Variants in RNF175 observed in about 807,000 individuals in gnomAD.
RNF175 encodes the protein ring finger protein 175.
A neutral mutation model predicts 50.0 loss-of-function variants in RNF175; 38 were observed. That is an observed-to-expected ratio of 0.76 (90% CI 0.59 to 1.00). The LOEUF is 1.00. RNF175 is among the 50% of genes least tolerant of loss of function. The probability of loss-of-function intolerance (pLI) is 0.00; values close to 1 mark genes in which losing one functional copy is unlikely to be tolerated. For synonymous variants in RNF175, 155 were observed against 146.1 expected (o/e 1.06, Z -0.44); for missense variants, 388 against 409.6 (o/e 0.95, Z 0.46).
At chr4:153,719,177 C>T (rs537304084) in intron 6 of RNF175, among the ~76,000 whole-genome samples, 1 of 152,270 alleles carries the variant, frequency 6.6e-6, no homozygotes, top group Admixed American at 6.5e-5. Context: ...CATTGTTCAG[C>T]TCCCATGTAC....
rs796657753 is a variant in RNF175, at chr4:153,718,251, TTG to T, written c.630+1931_630+1932del. 6.9e-5 allele frequency among the ~76,000 whole-genome samples: 8 copies of T among 116,026 alleles called. 1 individual carries two copies. The highest frequency in any genetic ancestry group is 1.0e-4 in the Admixed American group (1 of 9,792). The allele number at this position is 116,026 out of a possible 152,430, so 76.1% of individuals were successfully genotyped here. ...GTTTGTTTGTTTGTTTTTTTTTTTT[TTG>T]AAGCAGATGCACTGGATCTACTCCC... On this transcript the variant is annotated intron_variant, in intron 6 of 8. Coordinates refer to ENST00000347063, the MANE Select transcript of RNF175 (RefSeq NM_173662.4).
chr4:153,740,472 T>C (rs1739593313), intron 3 of RNF175, among the ~76,000 whole-genome samples: 1 of 152,174 alleles, frequency 6.6e-6, no homozygotes, highest in Non-Finnish European at 1.5e-5. Context: ...TTAAAAATCC[T>C]CTCTTAGCTA....
chr4:153,746,624 C>T (rs184909103), intron 3 of RNF175, among the ~76,000 whole-genome samples: 2 of 152,342 alleles, frequency 1.3e-5, no homozygotes, highest in East Asian at 1.9e-4. Flanking sequence ...ATGCCCATAG[C>T]TCTCCTAGGC....
At chr4:153,738,835 T>C (rs1049334486) in intron 3 of RNF175, among the ~76,000 whole-genome samples, 1 of 152,212 alleles carries the variant, frequency 6.6e-6, no homozygotes, top group Non-Finnish European at 1.5e-5. Flanking sequence ...TAACTGGGTA[T>C]TTTATGAGAT....
chr4:153,718,882 G>A (rs1738148597), intron 6 of RNF175, among the ~76,000 whole-genome samples: 1 of 152,128 alleles, frequency 6.6e-6, no homozygotes, highest in Non-Finnish European at 1.5e-5. Flanking sequence ...TAGCCACTTA[G>A]GTCCTGCTCC....
In RNF175 at chr4:153,712,582, G is replaced by C. The variant is rs2289318; in HGVS notation, c.765-6C>G. On this transcript the variant is annotated splice_polypyrimidine_tract_variant and splice_region_variant and intron_variant, in intron 7 of 8. Coordinates refer to ENST00000347063, the MANE Select transcript of RNF175 (RefSeq NM_173662.4). The stretch of plus-strand genomic sequence containing the variant: ...GGATGCAGAATTCATGAAAGCTGAA[G>C]CATCTTGTTAGGGAGGCTTCTAGAT... The C allele has an allele frequency of 0.2, 323,065 of 1,594,806 alleles. 33,407 individuals carry two copies. The highest frequency in any genetic ancestry group is 0.25 in the East Asian group (10,994 of 44,776).
At chr4:153,754,424 G>C (rs1196061316) in intron 1 of RNF175, among the ~76,000 whole-genome samples, 1 of 152,130 alleles carries the variant, frequency 6.6e-6, no homozygotes, top group Non-Finnish European at 1.5e-5. Flanking sequence ...GAACTGCTTG[G>C]AAATCCCGAG....
intron 1 of RNF175, among the ~76,000 whole-genome samples, chr4:153,751,955 G>A (rs561371106): frequency 2.0e-5 from 3 of 152,218 alleles, no homozygotes; most frequent in Admixed American, 6.5e-5. Flanking sequence ...CAGAGGCTCC[G>A]TTGATTTGGA....
intron 6 of RNF175, among the ~76,000 whole-genome samples, chr4:153,719,376 T>G (rs1182389716): frequency 6.6e-6 from 1 of 152,230 alleles, no homozygotes; most frequent in Non-Finnish European, 1.5e-5. Context: ...TTTCCATGTC[T>G]TTGCTTTACA....
chr4:153,715,415 G>A, intron 7 of RNF175, 114 bp downstream of exon 7: 1 of 1,003,340 alleles, frequency 1.0e-6, no homozygotes, highest in Non-Finnish European at 1.5e-6. Flanking sequence ...AAGGACTGGG[G>A]TTTGGGCATG....
intron 3 of RNF175, among the ~76,000 whole-genome samples, chr4:153,738,927 A>T (rs1739497098): frequency 6.6e-6 from 1 of 152,156 alleles, no homozygotes; most frequent in African/African-American, 2.4e-5. Context: ...TGCAAAATAC[A>T]TCCATAACTA....
intron 6 of RNF175, among the ~76,000 whole-genome samples, chr4:153,716,590 T>G (rs954132678): frequency 6.6e-6 from 1 of 152,130 alleles, no homozygotes; most frequent in Non-Finnish European, 1.5e-5. Context: ...TTTATAATAG[T>G]TTTAGATTTA....
intron 3 of RNF175, among the ~76,000 whole-genome samples, chr4:153,739,280 G>A (rs1016947009): frequency 3.9e-5 from 6 of 152,056 alleles, no homozygotes; most frequent in African/African-American, 7.3e-5. Flanking sequence ...AATTAGCTGG[G>A]TGTTGGGGCA....
intron 4 of RNF175, chr4:153,727,802 T>C (rs1475216904): frequency 1.3e-5 from 2 of 153,268 alleles, no homozygotes; most frequent in African/African-American, 2.4e-5. Flanking sequence ...CCATGACTTA[T>C]GATTTATTAC....
Position 153,712,587 on chromosome 4 carries a change from T to A in RNF175, c.765-11A>T. 6.4e-7 allele frequency: 1 copy of A among 1,570,312 alleles called. No individual in the cohort carries two copies. The highest frequency in any genetic ancestry group is 8.8e-7 in the Non-Finnish European group (1 of 1,141,432). On this transcript the variant is annotated splice_polypyrimidine_tract_variant and intron_variant, in intron 7 of 8. Coordinates refer to ENST00000347063, the MANE Select transcript of RNF175 (RefSeq NM_173662.4). The stretch of plus-strand genomic sequence containing the variant: ...CAGAATTCATGAAAGCTGAAGCATC[T>A]TGTTAGGGAGGCTTCTAGATATGAA...
intron 3 of RNF175, among the ~76,000 whole-genome samples, chr4:153,728,825 A>G (rs1738867247): frequency 6.6e-6 from 1 of 152,216 alleles, no homozygotes; most frequent in African/African-American, 2.4e-5. Context: ...TCATGTATCC[A>G]TACGAAAGTG....
At chr4:153,754,131 CT>C (rs33976375) in intron 1 of RNF175, among the ~76,000 whole-genome samples, 95,578 of 149,012 alleles carry the variant, frequency 0.64, 31,973 homozygotes, top group African/African-American at 0.83. Flanking sequence ...GATCGCGCCA[CT>C]GCACTCCAGC....
chr4:153,715,449 T>C (rs1427571080), intron 7 of RNF175, 80 bp downstream of exon 7: 58 of 1,377,662 alleles, frequency 4.2e-5, no homozygotes, highest in Non-Finnish European at 5.7e-5. Flanking sequence ...ATGGAGGAGA[T>C]GGGGACAGGA....
intron 6 of RNF175, among the ~76,000 whole-genome samples, chr4:153,718,210 T>C (rs910190538): frequency 1.3e-4 from 11 of 81,572 alleles, no homozygotes; most frequent in Admixed American, 3.1e-4. Context: ...TCCTAAGGAG[T>C]TTTTTTTGTT....
Sources: gnomAD v4.1 joint callset for allele counts (sites outside exome capture counted in the v4.1 genomes callset) on GRCh38, gnomAD v4.1.1 for gene constraint, MANE v1.5 for transcripts, NCBI Gene and HGNC (gene_info 2026-07-23, HGNC 2026-07-21) for gene names.